The following CTNNA3 variants were observed in gnomAD, a reference collection of about 807,000 sequenced individuals.
The protein encoded by CTNNA3 is catenin alpha 3.
In CTNNA3, 76 loss-of-function variants were observed where a neutral mutation model predicts 95.7. The ratio of observed to expected loss-of-function variants is 0.79; its 90% confidence interval spans 0.66 to 0.96. The LOEUF is 0.96. CTNNA3 is among the 40% of genes least tolerant of loss of function. The pLI is 0.00. For missense variants in CTNNA3, 1,191 were observed against 1,089.8 expected (o/e 1.09, Z -1.31); for synonymous variants, 431 against 374.4 (o/e 1.15, Z -1.74).
chr10:66,044,261 G>A (rs929406616), intron 15 of CTNNA3, among the ~76,000 whole-genome samples: 2 of 152,138 alleles, frequency 1.3e-5, no homozygotes, highest in Non-Finnish European at 2.9e-5. Flanking sequence ...AAGGTGCTGG[G>A]ATTACAGGCA....
At chr10:66,724,325 T>C (rs1848716859) in intron 9 of CTNNA3, among the ~76,000 whole-genome samples, 1 of 152,180 alleles carries the variant, frequency 6.6e-6, no homozygotes, top group Non-Finnish European at 1.5e-5. Flanking sequence ...TAGTGAGATG[T>C]GAAGTTCCCA....
rs1466310342 is a variant in CTNNA3 at position 67,605,193 on chromosome 10, AAAAG to A, written c.292+1660_292+1663del. Among the ~76,000 whole-genome samples the A allele has an allele frequency of 9.6e-4, 146 of 152,358 alleles. 1 individual carries two copies. The highest frequency in any genetic ancestry group is 3.3e-3 in the African/African-American group (138 of 41,586). On this transcript the variant is annotated intron_variant, in intron 3 of 17. Coordinates refer to ENST00000433211, the MANE Select transcript of CTNNA3 (RefSeq NM_013266.4). ...AAATTGGTCTATATATACAAAGGAAAAAAGGAGAACCTGTCATTTGCCACAACAT... is the reference window on the plus strand; with the variant it reads ...AAATTGGTCTATATATACAAAGGAAAGAGAACCTGTCATTTGCCACAACAT...
intron 13 of CTNNA3, among the ~76,000 whole-genome samples, chr10:66,245,686 AT>A (rs1482227090): frequency 6.6e-6 from 1 of 152,122 alleles, no homozygotes; most frequent in Non-Finnish European, 1.5e-5. Context: ...TCATGCCATC[AT>A]TTTGTACCTC....
intron 7 of CTNNA3, among the ~76,000 whole-genome samples, chr10:67,012,719 T>C (rs76992966): frequency 0.022 from 3,406 of 152,210 alleles, 141 homozygotes; most frequent in African/African-American, 0.078. Flanking sequence ...TTTGATGTAT[T>C]TCCAGCTTCA....
intron 13 of CTNNA3, among the ~76,000 whole-genome samples, chr10:66,178,490 C>T (rs1003444445): frequency 5.6e-4 from 1 of 1,782 alleles, no homozygotes; most frequent in Non-Finnish European, 1.4e-3. Context: ...GACACACACA[C>T]ACATACACAC....
chr10:66,135,609 T>A (rs1245612383), intron 13 of CTNNA3, among the ~76,000 whole-genome samples: 1 of 152,194 alleles, frequency 6.6e-6, no homozygotes, highest in Non-Finnish European at 1.5e-5. Context: ...CATCAATGGA[T>A]GCTAAATTCA....
At chr10:67,250,510 C>T (rs564652789) in intron 5 of CTNNA3, among the ~76,000 whole-genome samples, 21 of 150,852 alleles carry the variant, frequency 1.4e-4, no homozygotes, top group Admixed American at 6.6e-4. Flanking sequence ...CCACCGCGCC[C>T]GGCCACAGAG....
intron 6 of CTNNA3, among the ~76,000 whole-genome samples, chr10:67,198,975 A>C (rs761728619): frequency 6.6e-6 from 1 of 152,022 alleles, no homozygotes; most frequent in Non-Finnish European, 1.5e-5. Flanking sequence ...GTGCAATATA[A>C]GGAGGAGGGG....
intron 12 of CTNNA3, among the ~76,000 whole-genome samples, chr10:66,325,310 A>T (rs2092241179): frequency 6.6e-6 from 1 of 152,062 alleles, no homozygotes; most frequent in South Asian, 2.1e-4. Flanking sequence ...TATGTGCAAA[A>T]CTTTGAATGA....
At chr10:67,379,213 T>C (rs111797477) in intron 5 of CTNNA3, among the ~76,000 whole-genome samples, 116 of 152,336 alleles carry the variant, frequency 7.6e-4, no homozygotes, top group African/African-American at 2.7e-3. Context: ...TTAATACTCA[T>C]CCAAAGACCA....
chr10:66,116,081 A>G (rs1310012295), intron 13 of CTNNA3, among the ~76,000 whole-genome samples: 3 of 152,198 alleles, frequency 2.0e-5, no homozygotes, highest in African/African-American at 7.2e-5. Flanking sequence ...ACACCTAAGG[A>G]AGAATTATGC....
chr10:67,166,363 G>GA (rs1261093303), intron 7 of CTNNA3, among the ~76,000 whole-genome samples: 60 of 151,844 alleles, frequency 4.0e-4, no homozygotes, highest in Non-Finnish European at 1.9e-4. Context: ...TAGCTTTCTT[G>GA]GTTTTTTTTC....
At chr10:67,007,933 C>A (rs1296017849) in intron 7 of CTNNA3, among the ~76,000 whole-genome samples, 1 of 151,868 alleles carries the variant, frequency 6.6e-6, no homozygotes, top group Non-Finnish European at 1.5e-5. Flanking sequence ...AACTGAAGAT[C>A]AGTTTTGTTA....
At chr10:66,849,576 C>T (rs1260468063) in intron 7 of CTNNA3, among the ~76,000 whole-genome samples, 1 of 151,962 alleles carries the variant, frequency 6.6e-6, no homozygotes, top group Admixed American at 6.6e-5. Flanking sequence ...TGGAGTGGGT[C>T]CTAAATCCAG....
At chr10:67,159,616 T>C (rs1255286555) in intron 7 of CTNNA3, among the ~76,000 whole-genome samples, 1 of 152,170 alleles carries the variant, frequency 6.6e-6, no homozygotes, top group African/African-American at 2.4e-5. Flanking sequence ...GAATACAGAA[T>C]GGGGAAAAGG....
intron 5 of CTNNA3, among the ~76,000 whole-genome samples, chr10:67,319,232 G>A (rs1287006546): frequency 1.3e-5 from 2 of 152,280 alleles, no homozygotes; most frequent in East Asian, 3.9e-4. Flanking sequence ...ACTAAAAGAA[G>A]TGTGTAACTT....
chr10:66,018,743 G>A (rs1004731488), intron 15 of CTNNA3, among the ~76,000 whole-genome samples: 1 of 151,850 alleles, frequency 6.6e-6, no homozygotes, highest in African/African-American at 2.4e-5. Flanking sequence ...AAAATGAGAG[G>A]GTGGAGCAAG....
chr10:66,879,138 C>G (rs1844747494), intron 7 of CTNNA3, among the ~76,000 whole-genome samples: 1 of 152,082 alleles, frequency 6.6e-6, no homozygotes, highest in Admixed American at 6.6e-5. Context: ...GGATTTGAAC[C>G]CACAACTGTC....
intron 5 of CTNNA3, among the ~76,000 whole-genome samples, chr10:67,457,710 C>T (rs1847224824): frequency 6.6e-6 from 1 of 152,050 alleles, no homozygotes; most frequent in Non-Finnish European, 1.5e-5. Flanking sequence ...GAATCTATTT[C>T]TCTGCCTTTT....
Sources: gnomAD v4.1 joint callset for allele counts (sites outside exome capture counted in the v4.1 genomes callset) on GRCh38, gnomAD v4.1.1 for gene constraint, MANE v1.5 for transcripts, NCBI Gene and HGNC (gene_info 2026-07-23, HGNC 2026-07-21) for gene names.